Variants in BEGAIN observed in about 807,000 individuals in gnomAD.
The protein encoded by BEGAIN is brain enriched guanylate kinase associated.
A neutral mutation model predicts 35.8 loss-of-function variants in BEGAIN; 19 were observed. The ratio of observed to expected loss-of-function variants is 0.53; its 90% CI spans 0.37 to 0.78. BEGAIN has a LOEUF of 0.78. Among genes scored for constraint, BEGAIN ranks in the 30% least tolerant of loss-of-function variants. BEGAIN has a pLI of 0.00. For synonymous variants in BEGAIN, 462 were observed against 388.6 expected (o/e 1.19, Z -2.22); for missense variants, 795 against 853.6 (o/e 0.93, Z 0.85).
At chr14:100,557,252 T>C (rs1350899590) in intron 2 of BEGAIN, among the ~76,000 whole-genome samples, 4 of 152,208 alleles carry the variant, frequency 2.6e-5, no homozygotes, top group African/African-American at 9.7e-5. Flanking sequence ...GGGAGCGCAT[T>C]GGCCTCCAGA....
Position 100,568,970 on chromosome 14 carries a change from C to T in BEGAIN, c.43-1031G>A. The T allele has an allele frequency of 1.0e-6, 1 of 983,000 alleles. No homozygotes were observed. The highest frequency in any genetic ancestry group is 1.2e-6 in the Non-Finnish European group (1 of 828,928). 60.9% of individuals were successfully genotyped at this position (983,000 alleles called of 1,614,324 possible). ...CGCCGCCGCGTCCGCCGGGAGCGCGCTCCGCTCGGGTCCGGGCCCCACGCC... is the reference window on the plus strand; with the variant it reads ...CGCCGCCGCGTCCGCCGGGAGCGCGTTCCGCTCGGGTCCGGGCCCCACGCC... On this transcript the variant is annotated intron_variant, in intron 1 of 6. Coordinates refer to ENST00000554140, the MANE Select transcript of BEGAIN (RefSeq NM_001385089.1). The surrounding 1 kb of genome is among the most constrained non-coding windows in gnomAD (Gnocchi z 7.5).
At chr14:100,565,788 CCCAACAT>C (rs1456631823) in intron 2 of BEGAIN, among the ~76,000 whole-genome samples, 4 of 152,208 alleles carry the variant, frequency 2.6e-5, no homozygotes, top group Non-Finnish European at 5.9e-5. Context: ...GCTCACGGCA[CCCAACAT>C]CCCTGCAACC....
chr14:100,569,446 A>C (rs1480019114), intron 1 of BEGAIN: 1 of 152,300 alleles, frequency 6.6e-6, no homozygotes, highest in Admixed American at 6.5e-5. Context: ...TCCCCATGAC[A>C]GCGCTTCTCA....
chr14:100,567,476 G>A lies in BEGAIN; in HGVS notation c.71+435C>T, dbSNP rs1246438771. On this transcript the variant is annotated intron_variant, in intron 2 of 6. Transcript: ENST00000554140. This position sits in a 1 kb window ranked among gnomAD's most constrained non-coding sequence, Gnocchi z 5.1. ...CTCAGAGCCAGGCAACTGGCAGCCCGGGGGCTGGGGCGGGTGGTGGTTGGG... is the reference window on the plus strand; with the variant it reads ...CTCAGAGCCAGGCAACTGGCAGCCCAGGGGCTGGGGCGGGTGGTGGTTGGG... Among the ~76,000 whole-genome samples the A allele has an allele frequency of 2.0e-5, 3 of 152,034 alleles. No individual in the cohort carries two copies. The highest frequency in any genetic ancestry group is 2.9e-5 in the Non-Finnish European group (2 of 67,940).
intron 2 of BEGAIN, chr14:100,548,325 T>G (rs571646909): frequency 6.6e-6 from 1 of 152,054 alleles, no homozygotes; most frequent in African/African-American, 2.4e-5. Context: ...AGGGAGGTGG[T>G]GAACTTCCTG....
chr14:100,542,336 G>A (rs747697236), intron 5 of BEGAIN, among the ~76,000 whole-genome samples: 2 of 152,194 alleles, frequency 1.3e-5, no homozygotes, highest in Admixed American at 6.5e-5. Flanking sequence ...CACCATACTC[G>A]CCTGGTGTCC....
chr14:100,538,755 C>T lies in BEGAIN; in HGVS notation c.1053G>A (p.Glu351=), dbSNP rs1260066533. ...TGGCGGGTGGCTTGCGGTCGAAGAG[C>T]TCGTCGCGGCTGTTCAGGTAGATGG... ...QQAIYLNSRD[E]LFDRKPPATT... The change falls in exon 7 of 7, where the codon GAG becomes GAA. Residue 351 remains glutamate, a synonymous_variant. Coordinates refer to ENST00000554140, the MANE Select transcript of BEGAIN (RefSeq NM_001385089.1). 4 of 1,577,080 alleles carry T rather than the reference C, an allele frequency of 2.5e-6. No individual in the cohort carries two copies. Among genetic ancestry groups the T allele is most frequent in the Non-Finnish European group, 3.4e-6 (4 of 1,162,462 alleles).
intron 1 of BEGAIN, among the ~76,000 whole-genome samples, chr14:100,578,111 G>A (rs902700795): frequency 1.3e-5 from 2 of 152,210 alleles, no homozygotes; most frequent in African/African-American, 4.8e-5. Flanking sequence ...TTGATCCAGT[G>A]GCAGGGCCTC....
intron 1 of BEGAIN, among the ~76,000 whole-genome samples, chr14:100,579,991 C>A (rs978780850): frequency 6.6e-6 from 1 of 151,836 alleles, no homozygotes; most frequent in Non-Finnish European, 1.5e-5. Context: ...CCCACAAACA[C>A]GGCGAGTGTG....
rs115030107 is a variant in BEGAIN, at chr14:100,559,915, G to A, written c.71+7996C>T. Among the ~76,000 whole-genome samples the A allele has an allele frequency of 3.3e-3, 497 of 152,342 alleles. 1 individual carries two copies. Among genetic ancestry groups the A allele is most frequent in the African/African-American group, 0.012 (483 of 41,584 alleles). ...AGCAATGTTTGGAGGGAGGCGCCGG[G>A]GCCGAGGAGAGAGCTGGGGTCACTG... is the stretch of plus-strand genomic sequence containing the variant. On this transcript the variant is annotated intron_variant, in intron 2 of 6. Coordinates refer to ENST00000554140, the MANE Select transcript of BEGAIN (RefSeq NM_001385089.1).
rs181491050 is a variant in BEGAIN, at chr14:100,580,173, C to T, written c.42+7076G>A. Among the ~76,000 whole-genome samples the T allele has an allele frequency of 3.4e-3, 516 of 152,214 alleles. 6 individuals carry two copies. The highest frequency in any genetic ancestry group is 0.011 in the African/African-American group (472 of 41,522). ...TACAAAAATTAGCTGGGTGTGGTGG[C>T]GCCTGCCTGTAGTCCCAGCCTTGGG... On this transcript the variant is annotated intron_variant, in intron 1 of 6. Coordinates refer to ENST00000554140, the MANE Select transcript of BEGAIN (RefSeq NM_001385089.1).
intron 1 of BEGAIN, among the ~76,000 whole-genome samples, chr14:100,571,997 A>AC (rs2035093988): frequency 6.6e-6 from 1 of 152,284 alleles, no homozygotes; most frequent in African/African-American, 2.4e-5. Flanking sequence ...CCCTGCGGTG[A>AC]GCAGGTGGTG....
rs796564878 is a variant in BEGAIN, at chr14:100,579,611, G to A, written c.42+7638C>T. Reference sequence around the variant, plus strand: ...TGAGGCCCTGTGTGGCATGCTCATAGCTGTACATCTGGGCTCTGTCTGGAT... The same window carrying A: ...TGAGGCCCTGTGTGGCATGCTCATAACTGTACATCTGGGCTCTGTCTGGAT... On this transcript the variant is annotated intron_variant, in intron 1 of 6. Coordinates refer to ENST00000554140, the MANE Select transcript of BEGAIN (RefSeq NM_001385089.1). Among the ~76,000 whole-genome samples, 10 of 152,236 alleles carry A rather than the reference G, an allele frequency of 6.6e-5. No individual in the cohort carries two copies. The South Asian group carries it at 1.9e-3, about 28-fold the overall frequency.
intron 2 of BEGAIN, among the ~76,000 whole-genome samples, chr14:100,551,409 T>G (rs1029125146): frequency 2.0e-5 from 3 of 152,174 alleles, no homozygotes; most frequent in African/African-American, 7.2e-5. Flanking sequence ...GAGGGGCTGG[T>G]TCCATCAATA....
chr14:100,538,076 C>T lies in BEGAIN; in HGVS notation c.1732G>A (p.Ala578Thr). The T allele has an allele frequency of 6.3e-7, 1 of 1,592,646 alleles. No homozygotes were observed. Among genetic ancestry groups the T allele is most frequent in the Non-Finnish European group, 8.5e-7 (1 of 1,171,380 alleles). Residue 578 changes from alanine (A) to threonine (T), a missense_variant, in exon 7 of 7, where the codon GCC becomes ACC. Ala to Thr is a moderately conservative substitution (Grantham distance 58, BLOSUM62 0). Around this residue, in one of 3 missense-constraint regions of BEGAIN, gnomAD observed 664 missense variants for 647.7 expected, o/e 1.03. Coordinates refer to ENST00000554140, the MANE Select transcript of BEGAIN (RefSeq NM_001385089.1). ...SMEASPEMHP[A>T]ARLSPQQAFP... is the part of the protein sequence containing the mutation. Reference sequence around the variant, plus strand: ...GCCTGCTGGGGGCTGAGGCGGGCGGCAGGATGCATTTCCGGGGAGGCCTCC... The same window carrying T: ...GCCTGCTGGGGGCTGAGGCGGGCGGTAGGATGCATTTCCGGGGAGGCCTCC...
chr14:100,565,220 G>A (rs966556346), intron 2 of BEGAIN, among the ~76,000 whole-genome samples: 2 of 152,186 alleles, frequency 1.3e-5, no homozygotes, highest in African/African-American at 4.8e-5. Context: ...AAAACCCCAG[G>A]GAAAAGGCGA....
At chr14:100,575,788 G>A (rs773291350) in intron 1 of BEGAIN, among the ~76,000 whole-genome samples, 4 of 152,082 alleles carry the variant, frequency 2.6e-5, no homozygotes, top group Non-Finnish European at 5.9e-5. Flanking sequence ...CTCTGGCCAG[G>A]CCCCAGGGTG....
intron 1 of BEGAIN, among the ~76,000 whole-genome samples, chr14:100,576,516 G>A (rs1202398871): frequency 6.6e-6 from 1 of 152,182 alleles, no homozygotes; most frequent in African/African-American, 2.4e-5. Flanking sequence ...CCCCCTCCCG[G>A]CAGGAAAGCC....
intron 1 of BEGAIN, among the ~76,000 whole-genome samples, chr14:100,581,408 C>T (rs1159575461): frequency 2.0e-5 from 3 of 152,146 alleles, no homozygotes; most frequent in Non-Finnish European, 2.9e-5. Context: ...CGTGGGCTCA[C>T]GGCCTGGACC....
Sources: allele counts gnomAD v4.1 joint callset (sites outside exome capture counted in the v4.1 genomes callset), GRCh38; gene constraint gnomAD v4.1.1; regional missense constraint gnomAD v4.1.1; non-coding constraint Gnocchi (gnomAD v3.1); transcripts MANE v1.5; gene names NCBI Gene and HGNC (gene_info 2026-07-23, HGNC 2026-07-21).